The following DAB1 variants were observed in gnomAD, a reference collection of about 807,000 sequenced individuals.
DAB1 encodes DAB adaptor protein 1.
In DAB1, 15 loss-of-function variants were observed where a neutral mutation model predicts 64.6. The ratio of observed to expected loss-of-function variants is 0.23; its 90% CI spans 0.16 to 0.36. The LOEUF is 0.36. Ranked by LOEUF, DAB1 falls within the 10% of genes least tolerant of loss-of-function variation. The pLI is 1.00. For missense variants in DAB1, 596 were observed against 706.7 expected (o/e 0.84, Z 1.78); for synonymous variants, 235 against 251.9 (o/e 0.93, Z 0.64).
At chr1:57,905,136 G>A (rs186652885) in intron 5 of DAB1, among the ~76,000 whole-genome samples, 1 of 151,868 alleles carries the variant, frequency 6.6e-6, no homozygotes, top group Admixed American at 6.6e-5. Flanking sequence ...AAGAAACTGA[G>A]GCAAAAAAAC....
chr1:57,207,655 G>T (rs756853156), intron 2 of DAB1, among the ~76,000 whole-genome samples: 1 of 149,940 alleles, frequency 6.7e-6, no homozygotes, highest in African/African-American at 2.5e-5. Context: ...GTTTTTAGCC[G>T]GGATGGTCTT....
chr1:57,606,744 T>C (rs1395268681), intron 7 of DAB1, among the ~76,000 whole-genome samples: 1 of 132,186 alleles, frequency 7.6e-6, no homozygotes, highest in Non-Finnish European at 1.5e-5. Flanking sequence ...ATATATATTA[T>C]ATAAATATAT....
At chr1:57,364,964 G>T in intron 1 of DAB1, among the ~76,000 whole-genome samples, 1 of 148,884 alleles carries the variant, frequency 6.7e-6, no homozygotes, top group Non-Finnish European at 1.5e-5. Context: ...AAGGCCTTAG[G>T]TAGCTTCTAG....
rs555104059 is a variant in DAB1 at position 57,384,671 on chromosome 1, C to T, written c.-137+39259G>A. Among the ~76,000 whole-genome samples the T allele has an allele frequency of 1.1e-4, 17 of 152,174 alleles. No homozygotes were observed. In the East Asian group the frequency reaches 2.1e-3, roughly 19 times the overall value. ...GCCAATCACAATTCTACTTTTATGA[C>T]GTATCTAGAGTAGTCAAATTCATAG... is the stretch of plus-strand genomic sequence containing the variant. On this transcript the variant is annotated intron_variant, in intron 1 of 14. Transcript: ENST00000371236.
chr1:57,377,870 G>C (rs1681036650), intron 1 of DAB1, among the ~76,000 whole-genome samples: 1 of 152,186 alleles, frequency 6.6e-6, no homozygotes. Context: ...CTGAGGGACA[G>C]GAGGAAGGAG....
At chr1:58,168,453 G>A (rs547428099) in intron 4 of DAB1, among the ~76,000 whole-genome samples, 3 of 152,082 alleles carry the variant, frequency 2.0e-5, no homozygotes, top group Admixed American at 6.5e-5. Context: ...ACTTCCTCTC[G>A]TCTCTCTTCT....
chr1:57,518,086 T>A (rs1276896085), intron 7 of DAB1, among the ~76,000 whole-genome samples: 1 of 152,206 alleles, frequency 6.6e-6, no homozygotes, highest in African/African-American at 2.4e-5. Context: ...TTGATTCCCA[T>A]GGGATCCAAA....
At chr1:58,502,074 T>C (rs1645915972) in intron 3 of DAB1, among the ~76,000 whole-genome samples, 1 of 152,206 alleles carries the variant, frequency 6.6e-6, no homozygotes, top group African/African-American at 2.4e-5. Context: ...ACTTGTTGAA[T>C]GCATAAAGTG....
At chr1:57,686,470 T>C (rs1646698953) in intron 6 of DAB1, among the ~76,000 whole-genome samples, 1 of 152,216 alleles carries the variant, frequency 6.6e-6, no homozygotes, top group South Asian at 2.1e-4. Context: ...TTATACAAGA[T>C]GTACAAAGAA....
intron 2 of DAB1, among the ~76,000 whole-genome samples, chr1:57,268,828 C>T (rs1670776020): frequency 6.6e-6 from 1 of 152,208 alleles, no homozygotes; most frequent in Admixed American, 6.5e-5. Context: ...AAACTGAGCA[C>T]TTGCCAGCTA....
intron 3 of DAB1, among the ~76,000 whole-genome samples, chr1:58,368,472 G>A (rs1356139411): frequency 6.6e-6 from 1 of 152,186 alleles, no homozygotes; most frequent in African/African-American, 2.4e-5. Flanking sequence ...GGAGGGTGAT[G>A]TGATTATCAG....
At chr1:57,110,283 G>T (rs1452658959) in intron 4 of DAB1, among the ~76,000 whole-genome samples, 1 of 152,150 alleles carries the variant, frequency 6.6e-6, no homozygotes, top group Non-Finnish European at 1.5e-5. Flanking sequence ...CTCAATTCAG[G>T]CTCATCTTGG....
At chr1:57,821,342 T>C (rs1553132522), downstream of DAB1, among the ~76,000 whole-genome samples, 1 of 152,070 alleles carries the variant, frequency 6.6e-6, no homozygotes, top group Non-Finnish European at 1.5e-5. Context: ...CCCAAATGAC[T>C]GGGAAACACA....
At chr1:58,530,298 G>T (rs1422120491) in intron 1 of DAB1, among the ~76,000 whole-genome samples, 1 of 152,184 alleles carries the variant, frequency 6.6e-6, no homozygotes, top group Admixed American at 6.5e-5. Flanking sequence ...ACGAAAGGAA[G>T]GGTCAGTGGC....
At chr1:57,094,914 G>T (rs1195312068) in intron 4 of DAB1, among the ~76,000 whole-genome samples, 2 of 152,118 alleles carry the variant, frequency 1.3e-5, no homozygotes, top group East Asian at 3.9e-4. Context: ...CCATAGAAAA[G>T]TGGGCTTCCC....
intron 1 of DAB1, among the ~76,000 whole-genome samples, chr1:57,835,633 G>A (rs867009699): frequency 2.0e-5 from 3 of 152,130 alleles, no homozygotes; most frequent in East Asian, 1.9e-4. Context: ...TTACTGTCTC[G>A]TCAGATTCTC....
chr1:57,730,613 G>A (rs1232352922), intron 6 of DAB1, among the ~76,000 whole-genome samples: 1 of 152,212 alleles, frequency 6.6e-6, no homozygotes. Flanking sequence ...TGAGGAGGTA[G>A]ACATGGTTGT....
chr1:57,021,600 AC>A (rs771563310), intron 11 of DAB1, among the ~76,000 whole-genome samples: 2 of 152,078 alleles, frequency 1.3e-5, no homozygotes, highest in African/African-American at 2.4e-5. Flanking sequence ...TGTGAGGCCT[AC>A]CCAGCCATGT....
chr1:57,797,116 T>C (rs544432643), intron 6 of DAB1, among the ~76,000 whole-genome samples: 5 of 152,256 alleles, frequency 3.3e-5, no homozygotes, highest in Non-Finnish European at 7.3e-5. Context: ...ATTTCTCCAA[T>C]GTAGCTCCTG....
Sources: gnomAD v4.1 joint callset for allele counts (sites outside exome capture counted in the v4.1 genomes callset) on GRCh38, gnomAD v4.1.1 for gene constraint, MANE v1.5 for transcripts, NCBI Gene and HGNC (gene_info 2026-07-23, HGNC 2026-07-21) for gene names.